The following PDZRN3 variants were observed in gnomAD, a reference collection of about 807,000 sequenced individuals.
PDZRN3 encodes the protein E3 ubiquitin-protein ligase PDZRN3.
Under a neutral mutation model 85.7 loss-of-function variants are expected in PDZRN3, and 38 were observed. The observed-to-expected ratio is 0.44, with a 90% CI of 0.34 to 0.58. The LOEUF is 0.58. Among genes scored for constraint, PDZRN3 ranks in the 20% least tolerant of loss-of-function variants. PDZRN3 has a pLI of 0.01. For synonymous variants in PDZRN3, 759 were observed against 638.0 expected, an observed-to-expected ratio of 1.19 and a Z score of -2.86; for missense variants, 1,629 against 1,506.4, an observed-to-expected ratio of 1.08 and a Z score of -1.35.
intron 3 of PDZRN3, among the ~76,000 whole-genome samples, chr3:73,586,892 C>A (rs1349585995): frequency 6.6e-6 from 1 of 152,198 alleles, no homozygotes. Flanking sequence ...TGCCATCCAA[C>A]TGCTGATGGA....
At chr3:73,529,987 T>C (rs892987240) in intron 3 of PDZRN3, among the ~76,000 whole-genome samples, 2 of 152,208 alleles carry the variant, frequency 1.3e-5, no homozygotes, top group Admixed American at 1.3e-4. Context: ...GTGTAAGCAT[T>C]CCATAAATGT....
At chr3:73,527,168 G>C (rs745696496) in intron 3 of PDZRN3, among the ~76,000 whole-genome samples, 43 of 152,110 alleles carry the variant, frequency 2.8e-4, no homozygotes, top group Non-Finnish European at 6.0e-4. Flanking sequence ...CTGTGAAATG[G>C]GGACAATATA....
At chr3:73,450,249 C>T (rs935069591) in intron 3 of PDZRN3, among the ~76,000 whole-genome samples, 3 of 152,194 alleles carry the variant, frequency 2.0e-5, no homozygotes, top group African/African-American at 4.8e-5. Flanking sequence ...TGCCACTGAT[C>T]CCATATGCCT....
chr3:73,624,785 G>A lies in PDZRN3; in HGVS notation c.41C>T (p.Pro14Leu), dbSNP rs538473342. 65 of 1,412,038 alleles carry A rather than the reference G, an allele frequency of 4.6e-5. No individual in the cohort carries two copies. The highest frequency in any genetic ancestry group is 8.3e-5 in the Admixed American group (3 of 36,038). 87.5% of individuals were successfully genotyped at this position (1,412,038 alleles called of 1,614,324 possible). The part of the protein sequence containing the change: ...ELDRFDGDVD[P>L]DLKCALCHKV... The stretch of plus-strand genomic sequence containing the variant: ...GTGGCACAGCGCGCACTTCAGGTCC[G>A]GGTCCACGTCGCCGTCGAAGCGGTC... Residue 14 changes from proline to leucine, a missense_variant, in exon 1 of 10, where the codon CCG becomes CTG. Pro to Leu is a moderately conservative substitution (Grantham distance 98). Coordinates refer to ENST00000263666, the MANE Select transcript of PDZRN3 (RefSeq NM_015009.3).
At chr3:73,445,449 A>C (rs1200523200) in intron 3 of PDZRN3, among the ~76,000 whole-genome samples, 3 of 152,088 alleles carry the variant, frequency 2.0e-5, no homozygotes, top group African/African-American at 7.3e-5. Context: ...TGAGAAAAAC[A>C]AAACAAAACA....
chr3:73,403,708 T>C (rs1701798652), intron 4 of PDZRN3, among the ~76,000 whole-genome samples: 1 of 152,174 alleles, frequency 6.6e-6, no homozygotes, highest in Admixed American at 6.5e-5. Flanking sequence ...TGTGCGGGCT[T>C]ATTACATGGA....
chr3:73,564,783 G>T (rs576749557), intron 3 of PDZRN3, among the ~76,000 whole-genome samples: 1 of 152,322 alleles, frequency 6.6e-6, no homozygotes, highest in South Asian at 2.1e-4. Flanking sequence ...ACTTCCAGCT[G>T]TGTGACACTG....
chr3:73,616,765 T>C (rs1702768873), intron 1 of PDZRN3, among the ~76,000 whole-genome samples: 1 of 152,216 alleles, frequency 6.6e-6, no homozygotes, highest in Non-Finnish European at 1.5e-5. Context: ...TACTGTGCCC[T>C]TATGTACATC....
At chr3:73,477,754 C>T (rs1244429340) in intron 3 of PDZRN3, among the ~76,000 whole-genome samples, 1 of 152,062 alleles carries the variant, frequency 6.6e-6, no homozygotes, top group Non-Finnish European at 1.5e-5. Context: ...CTAAGAAATA[C>T]CCAAGACTGG....
Position 73,384,663 on chromosome 3 carries a change from A to C in PDZRN3, c.1903T>G (p.Tyr635Asp), listed in dbSNP as rs746195976. The change falls in exon 10 of 10, where the codon TAC becomes GAC. Residue 635 changes from tyrosine to aspartate, a missense_variant. Coordinates refer to ENST00000263666, the MANE Select transcript of PDZRN3 (RefSeq NM_015009.3). The stretch of plus-strand genomic sequence containing the variant: ...CACTCGTCCACCGGGATCCCCAGGT[A>C]GTCGGCGTCCGTGCAGTCGGCCGAA... ...FISADCTDAD[Y>D]LGIPVDECER... 3.7e-6 allele frequency: 6 copies of C among 1,613,994 alleles called. No individual in the cohort carries two copies. The South Asian group carries it at 6.6e-5, about 18-fold the overall frequency.
At chr3:73,502,228 G>A (rs141238991) in intron 3 of PDZRN3, among the ~76,000 whole-genome samples, 7 of 152,300 alleles carry the variant, frequency 4.6e-5, no homozygotes, top group African/African-American at 1.4e-4. Flanking sequence ...GGAGAATCAA[G>A]TAAAGGGTCA....
chr3:73,396,036 G>A (rs1701628478), intron 5 of PDZRN3, among the ~76,000 whole-genome samples: 1 of 151,916 alleles, frequency 6.6e-6, no homozygotes, highest in South Asian at 2.1e-4. Flanking sequence ...CAGCCTGGCC[G>A]ACAAGGCGAA....
At chr3:73,611,608 A>T (rs1364036506) in intron 1 of PDZRN3, among the ~76,000 whole-genome samples, 1 of 152,214 alleles carries the variant, frequency 6.6e-6, no homozygotes, top group African/African-American at 2.4e-5. Flanking sequence ...TCGACACAGG[A>T]TGCAGGGAGG....
intron 3 of PDZRN3, 45 bp downstream of exon 3, chr3:73,602,309 G>T: frequency 2.0e-6 from 2 of 1,022,912 alleles, no homozygotes; most frequent in South Asian, 1.3e-5. Flanking sequence ...ACGAAGATGG[G>T]ATGGCATTCA....
At chr3:73,568,632 C>T (rs747753240) in intron 3 of PDZRN3, among the ~76,000 whole-genome samples, 26 of 152,170 alleles carry the variant, frequency 1.7e-4, no homozygotes, top group Non-Finnish European at 2.9e-4. Context: ...AGGGGATTCC[C>T]GGGCAACTCG....
chr3:73,573,121 G>T (rs1702067690), intron 3 of PDZRN3, among the ~76,000 whole-genome samples: 1 of 152,282 alleles, frequency 6.6e-6, no homozygotes, highest in South Asian at 2.1e-4. Flanking sequence ...CCTGTCCCAA[G>T]GGCCTCTCTG....
intron 3 of PDZRN3, among the ~76,000 whole-genome samples, chr3:73,425,972 C>G (rs551808755): frequency 6.6e-6 from 1 of 152,286 alleles, no homozygotes; most frequent in African/African-American, 2.4e-5. Flanking sequence ...TAAGGTCCTT[C>G]TTAAAAATAC....
At chr3:73,623,985 G>T (rs1702913357) in intron 1 of PDZRN3, 118 bp downstream of exon 1, 1 of 1,021,336 alleles carries the variant, frequency 9.8e-7, no homozygotes, top group Admixed American at 4.1e-5. Context: ...GGAAGAAGAG[G>T]GAGGAAGCAA....
chr3:73,524,294 T>C (rs1009654527), intron 3 of PDZRN3, among the ~76,000 whole-genome samples: 2 of 152,114 alleles, frequency 1.3e-5, no homozygotes, highest in East Asian at 3.9e-4. Context: ...AGCAAGAAAA[T>C]ACAAAACTCC....
Sources: gnomAD v4.1 joint callset for allele counts (sites outside exome capture counted in the v4.1 genomes callset) on GRCh38, gnomAD v4.1.1 for gene constraint, MANE v1.5 for transcripts, NCBI Gene and HGNC (gene_info 2026-07-23, HGNC 2026-07-21) for gene names.